Variants in NAV2 observed in about 807,000 individuals in gnomAD.
NAV2 encodes the protein neuron navigator 2.
In NAV2, 54 loss-of-function variants were observed where a neutral mutation model predicts 223.2. The observed-to-expected ratio is 0.24, with a 90% CI of 0.19 to 0.30. NAV2 has a LOEUF of 0.30. NAV2 is among the 10% of genes least tolerant of loss of function. The probability of loss-of-function intolerance (pLI) is 1.00; values close to 1 mark genes in which losing one functional copy is unlikely to be tolerated. For missense variants in NAV2, 2,806 were observed against 3,147.5 expected (o/e 0.89, Z 2.60); for synonymous variants, 1,279 against 1,239.3 (o/e 1.03, Z -0.67).
chr11:19,853,895 G>A (rs988246513), intron 3 of NAV2, among the ~76,000 whole-genome samples: 7 of 152,106 alleles, frequency 4.6e-5, no homozygotes, highest in Admixed American at 1.3e-4. Context: ...TTAGCAACCT[G>A]GTAGATGCTC....
At chr11:19,458,051 T>C (rs937015290) in intron 1 of NAV2, among the ~76,000 whole-genome samples, 6 of 152,226 alleles carry the variant, frequency 3.9e-5, no homozygotes, top group Admixed American at 2.6e-4. Context: ...CCTCCTATGA[T>C]GGTTTGGCAG....
intron 1 of NAV2, among the ~76,000 whole-genome samples, chr11:19,699,357 G>C (rs1357338050): frequency 6.6e-6 from 1 of 152,214 alleles, no homozygotes. Flanking sequence ...GTGCATAACT[G>C]TTTAGTTCTT....
At position 19,603,631 on chromosome 11, in the gene NAV2, C is replaced by CAAAAAAAA. The variant is rs1222524445; in HGVS notation, c.76-228842_76-228835dup. ...TGGGCAACAGAGCCAGACTCCATCT[C>CAAAAAAAA]AAAAAAAAAAAAAAAAAAGAAAAAA... is the stretch of plus-strand genomic sequence containing the variant. On this transcript the variant is annotated intron_variant, in intron 1 of 37. Transcript: ENST00000360655. 3.3e-3 allele frequency among the ~76,000 whole-genome samples: 188 copies of CAAAAAAAA among 57,428 alleles called. 2 individuals carry two copies. The highest frequency in any genetic ancestry group is 7.4e-3 in the African/African-American group (161 of 21,728). The allele number at this position is 57,428 out of a possible 152,430, so 37.7% of individuals were successfully genotyped here. A position where few individuals can be genotyped will look rare whatever the true frequency, so the allele number is the denominator to read the frequency against.
intron 11 of NAV2, among the ~76,000 whole-genome samples, chr11:20,020,929 G>T (rs548021737): frequency 3.5e-4 from 53 of 152,058 alleles, no homozygotes; most frequent in Non-Finnish European, 5.9e-4. Context: ...GGAATGCATT[G>T]CAAGTCGTAT....
At chr11:19,644,490 AG>A (rs2047762321) in intron 1 of NAV2, among the ~76,000 whole-genome samples, 1 of 152,226 alleles carries the variant, frequency 6.6e-6, no homozygotes, top group Non-Finnish European at 1.5e-5. Flanking sequence ...CTGAAGCTAA[AG>A]GAAGTGGGAG....
intron 1 of NAV2, among the ~76,000 whole-genome samples, chr11:19,493,098 A>T (rs2042683550): frequency 6.6e-6 from 1 of 152,170 alleles, no homozygotes; most frequent in African/African-American, 2.4e-5. Flanking sequence ...TACATAAGGC[A>T]CTTCACACAG....
upstream of NAV2, chr11:19,350,651 T>C (rs1183313258): frequency 7.1e-6 from 3 of 423,948 alleles, no homozygotes; most frequent in Non-Finnish European, 1.3e-5. Context: ...TATGGACTTG[T>C]CTTTGCCCAG....
chr11:19,920,865 C>A (rs1216648985), intron 6 of NAV2, among the ~76,000 whole-genome samples: 1 of 152,112 alleles, frequency 6.6e-6, no homozygotes, highest in African/African-American at 2.4e-5. Flanking sequence ...GGTGTCTTAG[C>A]CTTACAAAAA....
chr11:19,922,958 A>G lies in NAV2; in HGVS notation c.932-10218A>G, dbSNP rs2044403863. On this transcript the variant is annotated intron_variant, in intron 6 of 37. Transcript: ENST00000349880. ...ACTGTTGATAGAAATCTTTTTAGGCATACTTCTGCCTGGTAGTAACCTACT... is the reference window on the plus strand; with the variant it reads ...ACTGTTGATAGAAATCTTTTTAGGCGTACTTCTGCCTGGTAGTAACCTACT... Among the ~76,000 whole-genome samples the G allele has an allele frequency of 2.0e-5, 3 of 152,344 alleles. 1 individual carries two copies. The South Asian group carries it at 6.2e-4, about 32-fold the overall frequency.
chr11:19,408,823 G>GGA (rs57544707), intron 1 of NAV2, among the ~76,000 whole-genome samples: 154 of 71,712 alleles, frequency 2.1e-3, no homozygotes, highest in African/African-American at 7.3e-3. Context: ...TTCTGGCGGG[G>GGA]TGGGGGGATG....
intron 25 of NAV2, 87 bp from the exon 26 acceptor site, chr11:20,082,920 A>T (rs1282915493): frequency 6.4e-6 from 8 of 1,259,694 alleles, no homozygotes; most frequent in Non-Finnish European, 8.8e-6. Context: ...GGGAGAATTA[A>T]TCGCTTTTTT....
At chr11:19,393,571 T>G (rs1385794853) in intron 1 of NAV2, among the ~76,000 whole-genome samples, 2 of 152,220 alleles carry the variant, frequency 1.3e-5, no homozygotes, top group Non-Finnish European at 2.9e-5. Context: ...AAATATATAG[T>G]TTTTGGAAAC....
At chr11:19,533,803 T>G (rs1179335091) in intron 1 of NAV2, among the ~76,000 whole-genome samples, 1 of 141,252 alleles carries the variant, frequency 7.1e-6, no homozygotes, top group East Asian at 2.0e-4. Context: ...GCCTCCCGGG[T>G]TCACGCCATT....
At chr11:19,714,063 A>C (rs191364850) in intron 1 of NAV2, 101 bp downstream of exon 1, 1 of 1,470,464 alleles carries the variant, frequency 6.8e-7, no homozygotes, top group South Asian at 1.3e-5. Flanking sequence ...AGGGTCTACC[A>C]TGTGGCCAGG....
At position 19,474,141 on chromosome 11, in the gene NAV2, G is replaced by A. The variant is rs991640153; in HGVS notation, c.75+123114G>A. On this transcript the variant is annotated intron_variant, in intron 1 of 37. Coordinates refer to the NAV2 transcript ENST00000360655. ...CTAAGAAATTGGGGTTCTAGCCTATGGAAGAAGTAGAAGGGTATGAGAACC... is the reference window on the plus strand; with the variant it reads ...CTAAGAAATTGGGGTTCTAGCCTATAGAAGAAGTAGAAGGGTATGAGAACC... Among the ~76,000 whole-genome samples the A allele has an allele frequency of 2.0e-5, 3 of 152,234 alleles. No individual in the cohort carries two copies. In the South Asian group the frequency reaches 6.2e-4, roughly 32 times the overall value.
At chr11:19,477,945 G>T (rs2042167355) in intron 1 of NAV2, among the ~76,000 whole-genome samples, 1 of 152,202 alleles carries the variant, frequency 6.6e-6, no homozygotes, top group Non-Finnish European at 1.5e-5. Flanking sequence ...ACAATGCTTT[G>T]CCAAATGCAA....
intron 1 of NAV2, among the ~76,000 whole-genome samples, chr11:19,418,827 AG>A (rs1234947712): frequency 6.6e-6 from 1 of 152,136 alleles, no homozygotes; most frequent in Non-Finnish European, 1.5e-5. Context: ...GGGTGGCCAG[AG>A]TGGAGTCAGG....
In NAV2 at chr11:20,045,506, C is replaced by A. The variant is rs956064240; in HGVS notation, c.3738C>A (p.Val1246=). The A allele has an allele frequency of 6.2e-7, 1 of 1,614,164 alleles. No individual in the cohort carries two copies. The highest frequency in any genetic ancestry group is 1.1e-5 in the South Asian group (1 of 91,068). ...TALGSSLPGL[V]NQTDKEKGIS... is the part of the protein sequence containing the mutation. ...TAGGCAGCTCTCTACCAGGTCTGGT[C>A]AACCAAACAGACAAGGAGAAAGGCA... is the stretch of plus-strand genomic sequence containing the variant. The change falls in exon 14 of 38, where the codon GTC becomes GTA. Residue 1246 remains valine (V), a synonymous_variant. Transcript: ENST00000349880.
intron 6 of NAV2, among the ~76,000 whole-genome samples, chr11:19,920,217 C>T (rs1464111455): frequency 6.6e-6 from 1 of 152,178 alleles, no homozygotes; most frequent in African/African-American, 2.4e-5. Context: ...TTGCTAATGT[C>T]TCTGAGCTGC....
Sources: gnomAD v4.1 joint callset for allele counts (sites outside exome capture counted in the v4.1 genomes callset) on GRCh38, gnomAD v4.1.1 for gene constraint, MANE v1.5 for transcripts, NCBI Gene and HGNC (gene_info 2026-07-23, HGNC 2026-07-21) for gene names.